C7: variants seen among roughly 807,000 people sequenced by gnomAD.
The protein encoded by C7 is complement C7, also known as complement component C7.
A neutral mutation model predicts 104.8 loss-of-function variants in C7; 83 were observed. That is an observed-to-expected ratio of 0.79 (90% CI 0.66 to 0.95). The LOEUF (loss-of-function observed/expected upper bound fraction) is 0.95. Among genes scored for constraint, C7 ranks in the 40% least tolerant of loss-of-function variants. The pLI is 0.00. For synonymous variants in C7, 415 were observed against 360.6 expected, an observed-to-expected ratio of 1.15 and a Z score of -1.71; for missense variants, 1,070 against 1,011.2, an observed-to-expected ratio of 1.06 and a Z score of -0.79.
At chr5:40,962,991 G>C (rs1012268395) in intron 13 of C7, among the ~76,000 whole-genome samples, 1 of 150,888 alleles carries the variant, frequency 6.6e-6, no homozygotes, top group African/African-American at 2.4e-5. Context: ...TGTTTGTGTA[G>C]AGAGAGAGAG....
intron 2 of C7, among the ~76,000 whole-genome samples, 165 bp downstream of exon 2, chr5:40,928,800 T>C (rs543501939): frequency 6.6e-5 from 10 of 152,364 alleles, no homozygotes; most frequent in African/African-American, 2.2e-4. Context: ...CATGTGTTTT[T>C]AATTATTATT....
At chr5:40,953,198 A>G (rs1740213480) in intron 9 of C7, among the ~76,000 whole-genome samples, 1 of 152,226 alleles carries the variant, frequency 6.6e-6, no homozygotes, top group South Asian at 2.1e-4. Flanking sequence ...TTACAGTCAC[A>G]GAAAGTCAAA....
chr5:40,978,018 C>T (rs1275605218), intron 16 of C7, among the ~76,000 whole-genome samples: 4 of 151,682 alleles, frequency 2.6e-5, no homozygotes, highest in African/African-American at 9.7e-5. Flanking sequence ...CTTGTAGTCC[C>T]AGCTACTCAG....
chr5:40,970,717 T>C (rs955133812), intron 14 of C7, among the ~76,000 whole-genome samples: 1 of 152,142 alleles, frequency 6.6e-6, no homozygotes, highest in Non-Finnish European at 1.5e-5. Flanking sequence ...GTTTTAAGCC[T>C]CGCATGCATT....
chr5:40,964,600 G>A (rs910976590), intron 13 of C7, 141 bp from the exon 14 acceptor site: 1 of 689,532 alleles, frequency 1.5e-6, no homozygotes, highest in Admixed American at 2.9e-5. Context: ...AGGGGAAAAT[G>A]TTTTTATAGA....
In C7 at chr5:40,947,662, C is replaced by T; in HGVS notation, c.799C>T (p.Pro267Ser). Residue 267 changes from proline to serine, a missense_variant, in exon 8 of 18, where the codon CCA (proline) becomes TCA (serine). Transcript: ENST00000313164. ...VEVAQFINNNPEFLQLAEPFW... is the reference protein window; with the variant it reads ...VEVAQFINNNSEFLQLAEPFW... ...AGTGGCTCAGTTCATTAATAACAAT[C>T]CAGAATTTTTACAACTTGCTGAGCC... is the stretch of plus-strand genomic sequence containing the variant. The T allele has an allele frequency of 6.2e-7, 1 of 1,613,560 alleles. No individual in the cohort carries two copies. The highest frequency in any genetic ancestry group is 8.5e-7 in the Non-Finnish European group (1 of 1,179,692).
rs1159263237 is a variant in C7, at chr5:40,964,753, A to G, written c.1762A>G (p.Met588Val). 3.7e-6 allele frequency: 6 copies of G among 1,613,080 alleles called. No individual in the cohort carries two copies. The highest frequency in any genetic ancestry group is 3.3e-5 in the South Asian group (3 of 90,990). Residue 588 changes from methionine (M) to valine (V), a missense_variant, in exon 14 of 18, where the codon ATG (methionine) becomes GTG (valine). Physicochemically the swap from Met to Val is conservative, Grantham distance 21. Coordinates refer to ENST00000313164, the MANE Select transcript of C7 (RefSeq NM_000587.4). ...TACTTTTGTTTAGGATGAAGGTACAATGTTTCCTGTGGGGAAAAATGTAGT... is the reference window on the plus strand; with the variant it reads ...TACTTTTGTTTAGGATGAAGGTACAGTGTTTCCTGTGGGGAAAAATGTAGT... ...KDGFVQDEGTMFPVGKNVVYT... is the reference protein window; with the variant it reads ...KDGFVQDEGTVFPVGKNVVYT...
intron 17 of C7, among the ~76,000 whole-genome samples, chr5:40,981,021 T>C (rs1001066053): frequency 6.6e-6 from 1 of 152,192 alleles, no homozygotes; most frequent in Non-Finnish European, 1.5e-5. Context: ...TTCTCTTTTT[T>C]TCTCTCTCTC....
At position 40,959,550 on chromosome 5, in the gene C7, GGT is replaced by G; in HGVS notation, c.1593_1594del (p.Gly532GlufsTer16). ...RECNNPPPSG[G>X]GRSCVGETTE... Reference sequence around the variant, plus strand: ...ATGCAATAACCCACCTCCCAGTGGGGGTGGGAGATCCTGCGTTGGAGAAACGA... The same window carrying G: ...ATGCAATAACCCACCTCCCAGTGGGGGGGAGATCCTGCGTTGGAGAAACGA... On this transcript the variant is annotated frameshift_variant, in exon 12 of 18. Transcript: ENST00000313164. LOFTEE classifies it high-confidence loss of function. The G allele has an allele frequency of 1.2e-6, 2 of 1,610,736 alleles. No individual in the cohort carries two copies. Among genetic ancestry groups the G allele is most frequent in the Non-Finnish European group, 1.7e-6 (2 of 1,178,922 alleles).
At position 40,979,878 on chromosome 5, in the gene C7, T is replaced by C. The variant is rs374615012; in HGVS notation, c.2319T>C (p.Cys773=). 1 of 1,602,624 alleles carries C rather than the reference T, an allele frequency of 6.2e-7. No individual in the cohort carries two copies. The highest frequency in any genetic ancestry group is 8.5e-7 in the Non-Finnish European group (1 of 1,173,294). Residue 773 remains cysteine, a synonymous_variant, in exon 17 of 18, where the codon TGT becomes TGC. Coordinates refer to ENST00000313164, the MANE Select transcript of C7 (RefSeq NM_000587.4). ...CTLPASAEKA[C]GACPLWGKCD... is the part of the protein sequence containing the mutation. The stretch of plus-strand genomic sequence containing the variant: ...TGCCTGCCTCAGCTGAGAAAGCTTG[T>C]GGTGCCTGCCCACTGTGGGGAAAAT...
chr5:40,955,490 C>A lies in C7; in HGVS notation c.1197C>A (p.Asn399Lys). Residue 399 changes from asparagine to lysine, a missense_variant, in exon 10 of 18, where the codon AAC becomes AAA. By Grantham distance (94) the Asn-to-Lys change is moderately conservative. Coordinates refer to ENST00000313164, the MANE Select transcript of C7 (RefSeq NM_000587.4). ...SYLELDNPAGNKRRYSAWAES... is the reference protein window; with the variant it reads ...SYLELDNPAGKKRRYSAWAES... ...TAGAGCTGGACAATCCTGCTGGAAACAAAAGGCGATATTCTGCCTGGGCAG... is the reference window on the plus strand; with the variant it reads ...TAGAGCTGGACAATCCTGCTGGAAAAAAAAGGCGATATTCTGCCTGGGCAG... The A allele has an allele frequency of 6.2e-7, 1 of 1,613,488 alleles. No individual in the cohort carries two copies.
intron 15 of C7, 44 bp from the exon 16 acceptor site, chr5:40,976,706 G>A: frequency 7.2e-7 from 1 of 1,392,480 alleles, no homozygotes; most frequent in Admixed American, 2.0e-5. Flanking sequence ...TTACTATGAA[G>A]AGGCTTTTCT....
At chr5:40,913,186 C>A (rs1390635802) in intron 1 of C7, among the ~76,000 whole-genome samples, 2 of 152,088 alleles carry the variant, frequency 1.3e-5, no homozygotes, top group Non-Finnish European at 2.9e-5. Flanking sequence ...ACTGCATTTT[C>A]TTTATCCAAT....
intron 13 of C7, chr5:40,964,452 A>AATATTGACTAGATAGGGG: frequency 4.9e-6 from 1 of 203,482 alleles, no homozygotes; most frequent in Non-Finnish European, 9.8e-6. Context: ...GACAGTGTCC[A>AATATTGACTAGATAGGGG]AATAATTTTA....
Position 40,944,331 on chromosome 5 carries a change from A to G in C7, c.568-867A>G, listed in dbSNP as rs1211565902. 2.0e-5 allele frequency among the ~76,000 whole-genome samples: 3 copies of G among 152,200 alleles called. No individual in the cohort carries two copies. The East Asian group carries it at 5.8e-4, about 29-fold the overall frequency. On this transcript the variant is annotated intron_variant, in intron 6 of 17. Coordinates refer to ENST00000313164, the MANE Select transcript of C7 (RefSeq NM_000587.4). ...GTCTATAACTTTAACAAATCAAGAG[A>G]GTTTTACATGAAGAGTCAAATTTAT...
chr5:40,946,785 A>G (rs1228373650), intron 7 of C7, among the ~76,000 whole-genome samples: 1 of 152,046 alleles, frequency 6.6e-6, no homozygotes, highest in Non-Finnish European at 1.5e-5. Flanking sequence ...AAATTATCAT[A>G]TAATTTCTTC....
intron 14 of C7, 105 bp from the exon 15 acceptor site, chr5:40,972,298 T>C: frequency 1.1e-6 from 1 of 899,298 alleles, no homozygotes; most frequent in Non-Finnish European, 1.8e-6. Context: ...CCTTGTCCTC[T>C]AATATGAAAA....
intron 14 of C7, chr5:40,971,984 A>AAAG (rs1354222383): frequency 2.3e-6 from 1 of 430,368 alleles, no homozygotes; most frequent in African/African-American, 2.1e-5. Context: ...TAAATAAATA[A>AAAG]AAGTGGTGTT....
chr5:40,958,325 T>G (rs930729459), intron 11 of C7, 64 bp downstream of exon 11: 7 of 1,000,318 alleles, frequency 7.0e-6, no homozygotes, highest in Non-Finnish European at 1.0e-5. Flanking sequence ...CCTGTTTCTC[T>G]GCTCCTTGAG....
Sources: allele counts gnomAD v4.1 joint callset (sites outside exome capture counted in the v4.1 genomes callset), GRCh38; gene constraint gnomAD v4.1.1; transcripts MANE v1.5; gene names NCBI Gene and HGNC (gene_info 2026-07-23, HGNC 2026-07-21).